SGCD: variants seen among roughly 807,000 people sequenced by gnomAD.
The protein encoded by SGCD is sarcoglycan delta.
SGCD carries 18 observed loss-of-function variants against 36.6 expected under a neutral mutation model. The ratio of observed to expected loss-of-function variants is 0.49; its 90% CI spans 0.34 to 0.73. The LOEUF (loss-of-function observed/expected upper bound fraction) is 0.73. Ranked by LOEUF, SGCD falls within the 30% of genes least tolerant of loss-of-function variation. SGCD has a pLI of 0.01. For missense variants in SGCD, 387 were observed against 346.7 expected, an observed-to-expected ratio of 1.12 and a Z score of -0.92; for synonymous variants, 133 against 130.6, an observed-to-expected ratio of 1.02 and a Z score of -0.12.
chr5:156,325,032 G>A (rs957555759), upstream of SGCD, among the ~76,000 whole-genome samples: 1 of 152,006 alleles, frequency 6.6e-6, no homozygotes, highest in Non-Finnish European at 1.5e-5. Flanking sequence ...AGCTCTTAAG[G>A]TATAAAGCCC....
intron 3 of SGCD, among the ~76,000 whole-genome samples, chr5:156,215,005 G>T (rs1001113062): frequency 1.3e-5 from 2 of 151,878 alleles, no homozygotes; most frequent in African/African-American, 4.8e-5. Context: ...TACAAGTTGA[G>T]CATCCCAAAT....
intron 1 of SGCD, among the ~76,000 whole-genome samples, chr5:155,889,922 A>T (rs1392696451): frequency 6.6e-6 from 1 of 152,332 alleles, no homozygotes; most frequent in African/African-American, 2.4e-5. Context: ...TCTTGCAGGA[A>T]TATGAACTGG....
At chr5:156,085,973 A>T (rs1305721617) in intron 1 of SGCD, among the ~76,000 whole-genome samples, 1 of 152,200 alleles carries the variant, frequency 6.6e-6, no homozygotes, top group African/African-American at 2.4e-5. Flanking sequence ...TTGTTTTCCT[A>T]CAAGATACTT....
At chr5:155,744,157 G>A in the SGCD span, among the ~76,000 whole-genome samples, 1 of 152,160 alleles carries the variant, frequency 6.6e-6, no homozygotes, top group African/African-American at 2.4e-5. Flanking sequence ...TGAAATTACT[G>A]TGTATGAACA....
Position 156,209,391 on chromosome 5 carries a change from C to T in SGCD, c.-44+85372C>T, listed in dbSNP as rs550098723. On this transcript the variant is annotated intron_variant, in intron 3 of 9. Transcript: ENST00000517913. ...GGCTTGATGCCAACTCAGTGCCAAG[C>T]CAGCCTCTGAGGCACCAGGATTACT... Among the ~76,000 whole-genome samples the T allele has an allele frequency of 2.0e-5, 3 of 152,256 alleles. No homozygotes were observed. In the East Asian group the frequency reaches 5.8e-4, roughly 30 times the overall value.
intron 7 of SGCD, among the ~76,000 whole-genome samples, chr5:156,657,589 C>T (rs1050368558): frequency 2.0e-5 from 3 of 151,828 alleles, no homozygotes; most frequent in African/African-American, 7.3e-5. Flanking sequence ...ATGGTGAAAC[C>T]CCATCTCTAC....
At chr5:156,223,399 A>G (rs1264304498) in intron 3 of SGCD, among the ~76,000 whole-genome samples, 1 of 152,142 alleles carries the variant, frequency 6.6e-6, no homozygotes, top group Non-Finnish European at 1.5e-5. Flanking sequence ...TCACCTCTTC[A>G]AATGAAGAAG....
At chr5:155,858,499 A>C in the SGCD span, among the ~76,000 whole-genome samples, 1 of 152,236 alleles carries the variant, frequency 6.6e-6, no homozygotes, top group Non-Finnish European at 1.5e-5. Flanking sequence ...TCATATTCAC[A>C]TCAAATTCAA....
At chr5:155,844,157 A>C in the SGCD span, among the ~76,000 whole-genome samples, 1 of 151,630 alleles carries the variant, frequency 6.6e-6, no homozygotes, top group African/African-American at 2.4e-5. Context: ...CACTTATCTG[A>C]AGTTTGTATT....
chr5:156,107,860 T>C (rs762311762), intron 1 of SGCD, among the ~76,000 whole-genome samples: 2 of 152,166 alleles, frequency 1.3e-5, no homozygotes, highest in Admixed American at 6.6e-5. Flanking sequence ...GTGTTTATAA[T>C]AAATAATGTA....
the SGCD span, among the ~76,000 whole-genome samples, chr5:155,802,706 G>T: frequency 6.6e-6 from 1 of 152,300 alleles, no homozygotes; most frequent in Admixed American, 6.5e-5. Flanking sequence ...ATTTCATTCA[G>T]AAATTGAAAC....
the SGCD span, among the ~76,000 whole-genome samples, chr5:155,753,995 C>A: frequency 7.9e-4 from 121 of 152,250 alleles, no homozygotes; most frequent in African/African-American, 2.8e-3. Flanking sequence ...CTTGCACTGA[C>A]ATGATTCACT....
At chr5:156,605,144 C>T (rs1359034094) in intron 6 of SGCD, among the ~76,000 whole-genome samples, 1 of 152,082 alleles carries the variant, frequency 6.6e-6, no homozygotes, top group East Asian at 1.9e-4. Flanking sequence ...TGGTGTGCTG[C>T]ACCCATTAAC....
chr5:156,525,294 G>T (rs906391505), intron 4 of SGCD, among the ~76,000 whole-genome samples: 1 of 152,036 alleles, frequency 6.6e-6, no homozygotes, highest in African/African-American at 2.4e-5. Context: ...AACTAATTGT[G>T]GTTTTGATTT....
intron 1 of SGCD, among the ~76,000 whole-genome samples, chr5:156,110,080 G>T (rs1447412999): frequency 6.6e-6 from 1 of 152,168 alleles, no homozygotes; most frequent in East Asian, 1.9e-4. Context: ...GTATCCCTTT[G>T]CATCTGACTT....
At chr5:155,824,321 C>G in the SGCD span, among the ~76,000 whole-genome samples, 1 of 152,066 alleles carries the variant, frequency 6.6e-6, no homozygotes, top group African/African-American at 2.4e-5. Flanking sequence ...ACATCTACCT[C>G]CTAGGGCTTT....
At position 156,225,674 on chromosome 5, in the gene SGCD, G is replaced by A. The variant is rs1388216925; in HGVS notation, c.-44+101655G>A. 3.3e-5 allele frequency among the ~76,000 whole-genome samples: 5 copies of A among 152,124 alleles called. No individual in the cohort carries two copies. In the East Asian group the frequency reaches 9.6e-4, roughly 29 times the overall value. ...GTTGCAAAAGTACGATTTGATTATT[G>A]TCTCTATCAATAGTATCCTTAAAAT... is the stretch of plus-strand genomic sequence containing the variant. On this transcript the variant is annotated intron_variant, in intron 3 of 9. Coordinates refer to the SGCD transcript ENST00000517913.
chr5:155,979,787 G>A lies in SGCD; in HGVS notation c.-282+109363G>A, dbSNP rs180681587. Among the ~76,000 whole-genome samples, 374 of 152,320 alleles carry A rather than the reference G, an allele frequency of 2.5e-3. 2 individuals are homozygous for A. Among genetic ancestry groups the A allele is most frequent in the African/African-American group, 8.7e-3 (361 of 41,570 alleles). On this transcript the variant is annotated intron_variant, in intron 1 of 9. Transcript: ENST00000517913. ...GAATGAATCCTTCATTTCTGAAAGA[G>A]GGTTTGGGCAGTGCCCATCACAGCA...
At chr5:156,648,654 T>A (rs1373169842) in intron 7 of SGCD, among the ~76,000 whole-genome samples, 12 of 152,150 alleles carry the variant, frequency 7.9e-5, no homozygotes. Flanking sequence ...GCTGTATTTT[T>A]AAGATTACAC....
Sources: gnomAD v4.1 joint callset for allele counts (sites outside exome capture counted in the v4.1 genomes callset) on GRCh38, gnomAD v4.1.1 for gene constraint, MANE v1.5 for transcripts, NCBI Gene and HGNC (gene_info 2026-07-23, HGNC 2026-07-21) for gene names.